The following CREB5 variants were observed in gnomAD, a reference collection of about 807,000 sequenced individuals.
CREB5 encodes cyclic AMP-responsive element-binding protein 5.
CREB5 carries 19 observed loss-of-function variants against 57.1 expected under a neutral mutation model. The observed-to-expected ratio is 0.33, with a 90% confidence interval of 0.23 to 0.49. The LOEUF (loss-of-function observed/expected upper bound fraction) is 0.49. CREB5 is among the 20% of genes least tolerant of loss of function. The probability of loss-of-function intolerance (pLI) is 0.99; values close to 1 mark genes in which losing one functional copy is unlikely to be tolerated. For missense variants in CREB5, 579 were observed against 671.6 expected (o/e 0.86, Z 1.52); for synonymous variants, 238 against 238.3 (o/e 1.00, Z 0.01).
chr7:28,533,968 T>C (rs1793849024), intron 4 of CREB5, among the ~76,000 whole-genome samples: 1 of 152,198 alleles, frequency 6.6e-6, no homozygotes, highest in South Asian at 2.1e-4. Context: ...TGACATGAGT[T>C]GATTTTCAGT....
intron 7 of CREB5, among the ~76,000 whole-genome samples, chr7:28,739,095 C>T (rs1390165283): frequency 6.6e-6 from 1 of 152,206 alleles, no homozygotes; most frequent in East Asian, 1.9e-4. Context: ...AATCTACCTT[C>T]ATACTGATGG....
chr7:28,698,630 C>T (rs1357513884), intron 5 of CREB5, among the ~76,000 whole-genome samples: 13 of 152,154 alleles, frequency 8.5e-5, no homozygotes, highest in Non-Finnish European at 8.8e-5. Flanking sequence ...AAAATAAGTT[C>T]ACTAAAAGCA....
At chr7:28,592,345 T>C (rs1289845597) in intron 5 of CREB5, among the ~76,000 whole-genome samples, 2 of 152,196 alleles carry the variant, frequency 1.3e-5, no homozygotes, top group Non-Finnish European at 2.9e-5. Context: ...TGCAAAGAAC[T>C]TTGAGGGAAT....
chr7:28,673,280 A>G (rs1562563314), intron 5 of CREB5, among the ~76,000 whole-genome samples: 1 of 152,186 alleles, frequency 6.6e-6, no homozygotes, highest in Non-Finnish European at 1.5e-5. Flanking sequence ...ACATTCTAAA[A>G]GGACCTCCCC....
intron 5 of CREB5, among the ~76,000 whole-genome samples, chr7:28,706,081 G>A (rs1476825622): frequency 1.3e-5 from 2 of 152,228 alleles, no homozygotes; most frequent in Non-Finnish European, 2.9e-5. Flanking sequence ...TCAGCCGGGT[G>A]CAGTGGCTTG....
In CREB5 at chr7:28,421,782, T is replaced by TATATAC. The variant is rs67006630; in HGVS notation, c.3+8866_3+8867insTATACA. Among the ~76,000 whole-genome samples the TATATAC allele has an allele frequency of 3.1e-3, 451 of 145,784 alleles. 2 individuals carry two copies. Among genetic ancestry groups the TATATAC allele is most frequent in the South Asian group, 0.017 (78 of 4,612 alleles). ...CATACACACACACTATATATATATA[T>TATATAC]ACCATATATATATATATACACACAC... On this transcript the variant is annotated intron_variant, in intron 1 of 10. Coordinates refer to ENST00000357727, the MANE Select transcript of CREB5 (RefSeq NM_182898.4).
At chr7:28,317,908 T>C (rs1785412445) in intron 1 of CREB5, among the ~76,000 whole-genome samples, 1 of 152,232 alleles carries the variant, frequency 6.6e-6, no homozygotes. Flanking sequence ...GGCCATTCAG[T>C]ATTTGAAACA....
At position 28,442,641 on chromosome 7, in the gene CREB5, A is replaced by G. The variant is rs537476719; in HGVS notation, c.3+29724A>G. Among the ~76,000 whole-genome samples the G allele has an allele frequency of 1.5e-4, 23 of 152,270 alleles. No homozygotes were observed. In the South Asian group the frequency reaches 4.6e-3, roughly 30 times the overall value. On this transcript the variant is annotated intron_variant, in intron 1 of 10. Coordinates refer to ENST00000357727, the MANE Select transcript of CREB5 (RefSeq NM_182898.4). ...GTGTTAACTTTTTGTCTTTTCGATA[A>G]TAGCCATTCTAACTGGGGTGAGATG...
At chr7:28,603,469 G>C (rs925141062) in intron 5 of CREB5, among the ~76,000 whole-genome samples, 2 of 152,064 alleles carry the variant, frequency 1.3e-5, no homozygotes, top group African/African-American at 4.8e-5. Context: ...GTTCCATGTC[G>C]TACCAGCTCC....
intron 5 of CREB5, among the ~76,000 whole-genome samples, chr7:28,700,343 G>A (rs922180261): frequency 6.6e-6 from 1 of 152,096 alleles, no homozygotes; most frequent in East Asian, 1.9e-4. Context: ...AACCCCCGGG[G>A]TATTAAATAA....
chr7:28,441,315 C>T (rs1004789709), intron 1 of CREB5, among the ~76,000 whole-genome samples: 4 of 152,210 alleles, frequency 2.6e-5, no homozygotes, highest in African/African-American at 9.6e-5. Flanking sequence ...GAGCCTGTTA[C>T]TCAAAAGCAC....
chr7:28,442,024 C>T (rs984987531), intron 1 of CREB5, among the ~76,000 whole-genome samples: 36 of 151,994 alleles, frequency 2.4e-4, no homozygotes, highest in African/African-American at 6.0e-4. Flanking sequence ...CCTATAGTGC[C>T]GTGGAACACC....
chr7:28,365,480 C>A (rs1786568351), intron 1 of CREB5, among the ~76,000 whole-genome samples: 1 of 152,160 alleles, frequency 6.6e-6, no homozygotes, highest in African/African-American at 2.4e-5. Flanking sequence ...TGAACTCTTC[C>A]CATCAGCAAA....
chr7:28,560,975 T>TGTGCGTGTGTGTGTGC (rs1554344544), intron 4 of CREB5, among the ~76,000 whole-genome samples: 1 of 23,408 alleles, frequency 4.3e-5, no homozygotes, highest in Admixed American at 6.9e-4. Flanking sequence ...TGTGTGTGCG[T>TGTGCGTGTGTGTGTGC]GTGTGCGTGC....
intron 4 of CREB5, among the ~76,000 whole-genome samples, chr7:28,559,274 A>T (rs2128638454): frequency 6.6e-6 from 1 of 152,254 alleles, no homozygotes; most frequent in South Asian, 2.1e-4. Flanking sequence ...GCGTGTTGAT[A>T]TGACTTAGGA....
chr7:28,508,702 T>C (rs1792581610), intron 4 of CREB5, among the ~76,000 whole-genome samples: 1 of 152,208 alleles, frequency 6.6e-6, no homozygotes, highest in East Asian at 1.9e-4. Flanking sequence ...TTAGCCTGTA[T>C]GGCTTCAGGA....
At chr7:28,804,604 A>C in intron 8 of CREB5, 82 bp downstream of exon 8, 1 of 1,519,754 alleles carries the variant, frequency 6.6e-7, no homozygotes. Context: ...CATTTGCAGC[A>C]ATCTTGTTTG....
intron 7 of CREB5, among the ~76,000 whole-genome samples, chr7:28,802,918 C>T (rs1178074646): frequency 6.6e-6 from 1 of 152,224 alleles, no homozygotes; most frequent in Non-Finnish European, 1.5e-5. Flanking sequence ...ATTCAGATTT[C>T]CTGTCCCTGA....
intron 5 of CREB5, among the ~76,000 whole-genome samples, chr7:28,671,700 G>A (rs1024048349): frequency 2.0e-5 from 3 of 152,214 alleles, no homozygotes; most frequent in Admixed American, 2.0e-4. Flanking sequence ...TGGTGGATTA[G>A]AGTATGAACA....
Sources: gnomAD v4.1 joint callset for allele counts (sites outside exome capture counted in the v4.1 genomes callset) on GRCh38, gnomAD v4.1.1 for gene constraint, MANE v1.5 for transcripts, NCBI Gene and HGNC (gene_info 2026-07-23, HGNC 2026-07-21) for gene names.